Variants in PTGIS observed in about 807,000 individuals in gnomAD.
PTGIS encodes prostaglandin I2 synthase.
A neutral mutation model predicts 50.3 loss-of-function variants in PTGIS; 45 were observed. That is an observed-to-expected ratio of 0.90 (90% CI 0.70 to 1.15). The LOEUF (loss-of-function observed/expected upper bound fraction) is 1.15. PTGIS is among the 50% of genes most tolerant of loss of function. The pLI is 0.00. For missense variants in PTGIS, 668 were observed against 661.3 expected (o/e 1.01, Z -0.11); for synonymous variants, 260 against 267.7 (o/e 0.97, Z 0.28).
rs1981734747 is a variant in PTGIS, at chr20:49,524,196, C to T, written c.717G>A (p.Lys239=). Residue 239 remains lysine, a synonymous_variant, in exon 6 of 10, where the codon AAG becomes AAA. Transcript: ENST00000244043. The stretch of plus-strand genomic sequence containing the variant: ...TGGCCAGCCTGGCTGGGGATAGCAG[C>T]TTCCACAGGCGACTTTTGACACTGC... ...HMCSVKSRLW[K]LLSPARLARR... 3 of 1,614,110 alleles carry T rather than the reference C, an allele frequency of 1.9e-6. No individual in the cohort carries two copies. In the African/African-American group the frequency reaches 4.0e-5, roughly 22 times the overall value.
intron 9 of PTGIS, among the ~76,000 whole-genome samples, chr20:49,508,858 G>C (rs1453463338): frequency 1.3e-5 from 2 of 152,180 alleles, no homozygotes; most frequent in Non-Finnish European, 2.9e-5. Context: ...AGCCCTACGG[G>C]GGATGTCAAC....
intron 4 of PTGIS, among the ~76,000 whole-genome samples, chr20:49,542,720 G>A (rs983776049): frequency 6.6e-6 from 1 of 152,196 alleles, no homozygotes; most frequent in Admixed American, 6.5e-5. Context: ...TACAGCCCTT[G>A]ACACTGTTTG....
intron 1 of PTGIS, among the ~76,000 whole-genome samples, chr20:49,551,570 T>C (rs1259393045): frequency 6.6e-6 from 1 of 152,194 alleles, no homozygotes; most frequent in Non-Finnish European, 1.5e-5. Flanking sequence ...ATTTGATTGA[T>C]ATCTCCTGTC....
chr20:49,562,424 G>T (rs1343073172), intron 1 of PTGIS, among the ~76,000 whole-genome samples: 1 of 152,134 alleles, frequency 6.6e-6, no homozygotes, highest in East Asian at 1.9e-4. Flanking sequence ...GAGCCCAGGC[G>T]CCTGACCCCT....
chr20:49,566,229 TCAAA>T lies in PTGIS; in HGVS notation c.74+1810_74+1813del, dbSNP rs532995087. Among the ~76,000 whole-genome samples the T allele has an allele frequency of 3.9e-5, 6 of 152,132 alleles. No individual in the cohort carries two copies. The East Asian group carries it at 7.7e-4, about 20-fold the overall frequency. On this transcript the variant is annotated intron_variant, in intron 1 of 9. Transcript: ENST00000244043. Reference sequence around the variant, plus strand: ...TGGGCAACAAGAGGGAAGATCCATCTCAAACAAACAAACAAACAAAAAAAGAGCC... The same window carrying T: ...TGGGCAACAAGAGGGAAGATCCATCTCAAACAAACAAACAAAAAAAGAGCC...
intron 5 of PTGIS, among the ~76,000 whole-genome samples, chr20:49,526,382 GTAAA>G (rs1170767052): frequency 6.6e-6 from 1 of 152,212 alleles, no homozygotes; most frequent in African/African-American, 2.4e-5. Context: ...GAATATCACT[GTAAA>G]CACGGCGTTT....
chr20:49,538,662 CATTTATTTATTTATTT>C (rs373597100), intron 5 of PTGIS, among the ~76,000 whole-genome samples: 34 of 148,430 alleles, frequency 2.3e-4, no homozygotes, highest in African/African-American at 4.6e-4. Flanking sequence ...CTTCTCAGTG[CATTTATTTATTTATTT>C]ATTTATTTAT....
chr20:49,548,154 A>C, intron 2 of PTGIS, 135 bp from the exon 3 acceptor site: 1 of 811,450 alleles, frequency 1.2e-6, no homozygotes, highest in Non-Finnish European at 2.1e-6. Flanking sequence ...TCTATGCCTC[A>C]CTACCACCTA....
At chr20:49,519,310 G>T (rs947192914) in intron 6 of PTGIS, among the ~76,000 whole-genome samples, 21 of 152,232 alleles carry the variant, frequency 1.4e-4, no homozygotes, top group Admixed American at 1.3e-3. Flanking sequence ...AGGATCCTAT[G>T]AGATGGTGGT....
At chr20:49,517,399 A>G (rs1568670368) in intron 6 of PTGIS, among the ~76,000 whole-genome samples, 1 of 152,166 alleles carries the variant, frequency 6.6e-6, no homozygotes, top group Admixed American at 6.5e-5. Context: ...AGCTGTGGCA[A>G]GTTAGGGAGG....
chr20:49,523,009 C>A (rs1981692718), intron 6 of PTGIS, among the ~76,000 whole-genome samples: 1 of 151,918 alleles, frequency 6.6e-6, no homozygotes, highest in Non-Finnish European at 1.5e-5. Context: ...GGCGACAGAG[C>A]AAGACTCCAT....
At chr20:49,559,874 T>C (rs1378458531) in intron 1 of PTGIS, among the ~76,000 whole-genome samples, 4 of 151,678 alleles carry the variant, frequency 2.6e-5, no homozygotes, top group African/African-American at 9.7e-5. Context: ...AATTAGATGA[T>C]GGTGATGATT....
At chr20:49,537,872 T>A (rs1380017036) in intron 5 of PTGIS, among the ~76,000 whole-genome samples, 2 of 152,062 alleles carry the variant, frequency 1.3e-5, no homozygotes, top group Non-Finnish European at 2.9e-5. Context: ...CAGCTCCAAA[T>A]GGGGGACTAC....
chr20:49,519,658 G>A (rs1387193892), intron 6 of PTGIS, among the ~76,000 whole-genome samples: 3 of 151,864 alleles, frequency 2.0e-5, no homozygotes, highest in African/African-American at 7.3e-5. Flanking sequence ...CTCTTCTCCA[G>A]GTGTCCACTC....
At chr20:49,509,322 T>A (rs1981246718) in intron 9 of PTGIS, among the ~76,000 whole-genome samples, 1 of 152,212 alleles carries the variant, frequency 6.6e-6, no homozygotes, top group Admixed American at 6.5e-5. Flanking sequence ...CGGTTTTAGA[T>A]GGACCAGCAG....
Position 49,539,731 on chromosome 20 carries a change from G to A in PTGIS, c.522-10C>T. 1 of 1,608,134 alleles carries A rather than the reference G, an allele frequency of 6.2e-7. No homozygotes were observed. Among genetic ancestry groups the A allele is most frequent in the Non-Finnish European group, 8.5e-7 (1 of 1,179,254 alleles). ...AGTCAGGTAGCCGGCTCTGGGGGCGGCAGACAGAGGGTCAGGGGTCCTCCT... is the reference window on the plus strand; with the variant it reads ...AGTCAGGTAGCCGGCTCTGGGGGCGACAGACAGAGGGTCAGGGGTCCTCCT... On this transcript the variant is annotated splice_polypyrimidine_tract_variant and intron_variant, in intron 4 of 9. Coordinates refer to ENST00000244043, the MANE Select transcript of PTGIS (RefSeq NM_000961.4).
chr20:49,555,542 A>G (rs1306971063), intron 1 of PTGIS, among the ~76,000 whole-genome samples: 1 of 152,230 alleles, frequency 6.6e-6, no homozygotes, highest in Non-Finnish European at 1.5e-5. Context: ...AGCATTGTCA[A>G]ATATGAAATG....
chr20:49,560,207 C>G (rs2122904024), intron 1 of PTGIS, among the ~76,000 whole-genome samples: 1 of 152,272 alleles, frequency 6.6e-6, no homozygotes, highest in Middle Eastern at 3.4e-3. Context: ...CAGGCGTGAG[C>G]CACCATGCCC....
At chr20:49,528,902 T>C (rs981485328) in intron 5 of PTGIS, among the ~76,000 whole-genome samples, 1 of 152,202 alleles carries the variant, frequency 6.6e-6, no homozygotes, top group Admixed American at 6.5e-5. Context: ...TAATCAATTA[T>C]GAGCAGTGGG....
Sources: allele counts gnomAD v4.1 joint callset (sites outside exome capture counted in the v4.1 genomes callset), GRCh38; gene constraint gnomAD v4.1.1; transcripts MANE v1.5; gene names NCBI Gene and HGNC (gene_info 2026-07-23, HGNC 2026-07-21).